The following ANGPT2 variants were observed in gnomAD, a reference collection of about 807,000 sequenced individuals.
ANGPT2 encodes angiopoietin 2.
ANGPT2 carries 28 observed loss-of-function variants against 62.9 expected under a neutral mutation model. The ratio of observed to expected loss-of-function variants is 0.44; its 90% CI spans 0.33 to 0.61. The LOEUF (loss-of-function observed/expected upper bound fraction) is 0.61, where lower values mean the gene tolerates loss of function less well. ANGPT2 is among the 20% of genes least tolerant of loss of function. The pLI, the probability that ANGPT2 is intolerant of heterozygous loss-of-function variation, is 0.03. For synonymous variants in ANGPT2, 284 were observed against 207.8 expected, an observed-to-expected ratio of 1.37 and a Z score of -3.15; for missense variants, 727 against 594.9, an observed-to-expected ratio of 1.22 and a Z score of -2.31.
chr8:6,535,440 T>C (rs2129572452), intron 1 of ANGPT2, among the ~76,000 whole-genome samples: 1 of 152,354 alleles, frequency 6.6e-6, no homozygotes, highest in East Asian at 1.9e-4. Flanking sequence ...TGCAAGATCC[T>C]TTTTAAATTG....
At chr8:6,544,429 C>T (rs2129574280) in intron 1 of ANGPT2, among the ~76,000 whole-genome samples, 1 of 152,322 alleles carries the variant, frequency 6.6e-6, no homozygotes, top group African/African-American at 2.4e-5. Context: ...GTAATTATGT[C>T]TTCCAAGACC....
At chr8:6,544,992 C>G (rs1479187010) in intron 1 of ANGPT2, among the ~76,000 whole-genome samples, 1 of 152,182 alleles carries the variant, frequency 6.6e-6, no homozygotes, top group Non-Finnish European at 1.5e-5. Context: ...TGAGCTCATG[C>G]TCTGCAGTTC....
intron 7 of ANGPT2, among the ~76,000 whole-genome samples, chr8:6,512,613 C>G (rs972117960): frequency 5.3e-5 from 8 of 152,212 alleles, no homozygotes; most frequent in Non-Finnish European, 1.0e-4. Context: ...GTTGCACACA[C>G]ATTTCGGAGT....
At chr8:6,544,406 A>G (rs1451920917) in intron 1 of ANGPT2, among the ~76,000 whole-genome samples, 3 of 152,238 alleles carry the variant, frequency 2.0e-5, no homozygotes, top group Non-Finnish European at 4.4e-5. Flanking sequence ...ACTTTGGGCA[A>G]ATCACTGAAC....
At chr8:6,519,538 C>A (rs1251590470) in intron 5 of ANGPT2, among the ~76,000 whole-genome samples, 2 of 152,162 alleles carry the variant, frequency 1.3e-5, no homozygotes, top group African/African-American at 4.8e-5. Context: ...AAGATACTTT[C>A]TTTAAGGAAA....
intron 1 of ANGPT2, among the ~76,000 whole-genome samples, chr8:6,543,998 T>A (rs1309330776): frequency 6.6e-6 from 1 of 152,232 alleles, no homozygotes; most frequent in Non-Finnish European, 1.5e-5. Flanking sequence ...TTTAACCTTG[T>A]TTTAGATCTG....
At chr8:6,521,588 A>C (rs1406644544) in intron 3 of ANGPT2, among the ~76,000 whole-genome samples, 178 bp from the exon 4 acceptor site, 1 of 152,220 alleles carries the variant, frequency 6.6e-6, no homozygotes, top group African/African-American at 2.4e-5. Flanking sequence ...AGATATATAA[A>C]TGTGTGTATA....
In ANGPT2 at chr8:6,502,992, C is replaced by T; in HGVS notation, c.*109G>A. ...ATGTGGGTCCCGTCAGCACCGAGCA[C>T]ACGCCCTCTGTGGTGGAAGAGGACA... is the stretch of plus-strand genomic sequence containing the variant. On this transcript the variant is annotated 3_prime_UTR_variant, in exon 9 of 9. Transcript: ENST00000629816. The T allele has an allele frequency of 7.5e-7, 1 of 1,332,168 alleles. No individual in the cohort carries two copies. The highest frequency in any genetic ancestry group is 1.0e-6 in the Non-Finnish European group (1 of 954,622). The allele number at this position is 1,332,168 out of a possible 1,614,324, so 82.5% of individuals were successfully genotyped here. A position where few individuals can be genotyped will look rare whatever the true frequency, so the allele number is the denominator to read the frequency against.
rs1812376441 is a variant in ANGPT2, at chr8:6,502,459, CA to C, written c.*641del. ...TATAAATTTGAAATACGTATTTGAGCATTAACTTATAACTAAGCTGTCAACA... is the reference window on the plus strand; with the variant it reads ...TATAAATTTGAAATACGTATTTGAGCTTAACTTATAACTAAGCTGTCAACA... On this transcript the variant is annotated 3_prime_UTR_variant, in exon 9 of 9. Coordinates refer to ENST00000629816, the MANE Select transcript of ANGPT2 (RefSeq NM_001118887.2). 1 of 152,168 alleles carries C rather than the reference CA, an allele frequency of 6.6e-6. No individual in the cohort carries two copies. The highest frequency in any genetic ancestry group is 2.4e-5 in the African/African-American group (1 of 41,440). 9.4% of individuals were successfully genotyped at this position (152,168 alleles called of 1,614,324 possible). A position where few individuals can be genotyped will look rare whatever the true frequency, so the allele number is the denominator to read the frequency against.
chr8:6,514,907 G>T, intron 5 of ANGPT2, 129 bp from the exon 6 acceptor site: 2 of 684,352 alleles, frequency 2.9e-6, no homozygotes, highest in Non-Finnish European at 5.1e-6. Flanking sequence ...ATAAGGCACG[G>T]AGTAGACCAT....
chr8:6,516,288 G>T (rs189874275), intron 5 of ANGPT2, among the ~76,000 whole-genome samples: 1 of 152,170 alleles, frequency 6.6e-6, no homozygotes, highest in South Asian at 2.1e-4. Flanking sequence ...GATACTTTGT[G>T]TATATTATCT....
chr8:6,517,253 G>A (rs900404674), intron 5 of ANGPT2, among the ~76,000 whole-genome samples: 5 of 152,130 alleles, frequency 3.3e-5, no homozygotes, highest in African/African-American at 9.7e-5. Flanking sequence ...ACTGGTGCAT[G>A]GTGCAGGAAC....
At position 6,540,135 on chromosome 8, in the gene ANGPT2, A is replaced by G. The variant is rs79933637; in HGVS notation, c.289-7648T>C. 5.4e-3 allele frequency among the ~76,000 whole-genome samples: 816 copies of G among 152,214 alleles called. 8 individuals are homozygous for G. The highest frequency in any genetic ancestry group is 0.019 in the African/African-American group (792 of 41,526). The stretch of plus-strand genomic sequence containing the variant: ...GAATGTCTGTGCTCTGGCAAATCCT[A>G]TCCGCTTTGCTCTTCTTTGAGTGCA... On this transcript the variant is annotated intron_variant, in intron 1 of 8. Transcript: ENST00000629816.
In ANGPT2 at chr8:6,532,341, C is replaced by T; in HGVS notation, c.435G>A (p.Val145=). ...ATGTGGCATTACTTACTTGGGCTTC[C>T]ACATCAGTTAACTTCCGCGTTTGCT... ...TAEQTRKLTD[V]EAQVLNQTTR... is the part of the protein sequence containing the mutation. Residue 145 remains valine, a synonymous_variant, in exon 2 of 9, where the codon GTG becomes GTA. Coordinates refer to ENST00000629816, the MANE Select transcript of ANGPT2 (RefSeq NM_001118887.2). 1.9e-6 allele frequency: 3 copies of T among 1,614,078 alleles called. No individual in the cohort carries two copies. The highest frequency in any genetic ancestry group is 2.5e-6 in the Non-Finnish European group (3 of 1,180,016).
intron 5 of ANGPT2, among the ~76,000 whole-genome samples, chr8:6,517,236 T>C (rs1228810922): frequency 6.6e-6 from 1 of 152,200 alleles, no homozygotes; most frequent in Admixed American, 6.5e-5. Flanking sequence ...ATATCTTTAA[T>C]CTGTCCACTG....
intron 2 of ANGPT2, among the ~76,000 whole-genome samples, chr8:6,528,765 A>G (rs2515466): frequency 0.78 from 119,332 of 152,230 alleles, 47,216 homozygotes; most frequent in Middle Eastern, 0.9. Flanking sequence ...AAGGAACCGG[A>G]GACCTTGAAA....
chr8:6,507,738 A>G (rs1814069085), intron 8 of ANGPT2: 1 of 151,994 alleles, frequency 6.6e-6, no homozygotes, highest in African/African-American at 2.4e-5. Context: ...GCCAGCCACC[A>G]TGCCCAGGTA....
chr8:6,555,312 G>A (rs1345562882), intron 1 of ANGPT2, among the ~76,000 whole-genome samples: 4 of 152,252 alleles, frequency 2.6e-5, no homozygotes, highest in South Asian at 2.1e-4. Context: ...GAATTTCGTC[G>A]TCCTGCCTTT....
At chr8:6,543,849 T>A (rs1194799372) in intron 1 of ANGPT2, among the ~76,000 whole-genome samples, 2 of 152,226 alleles carry the variant, frequency 1.3e-5, no homozygotes, top group Admixed American at 6.5e-5. Context: ...GCATGGACTT[T>A]AAGGAGCTGT....
Sources: gnomAD v4.1 joint callset for allele counts (sites outside exome capture counted in the v4.1 genomes callset) on GRCh38, gnomAD v4.1.1 for gene constraint, MANE v1.5 for transcripts, NCBI Gene and HGNC (gene_info 2026-07-23, HGNC 2026-07-21) for gene names.